ATXN7L1: variants seen among roughly 807,000 people sequenced by gnomAD.
The protein encoded by ATXN7L1 is ataxin 7 like 1.
ATXN7L1 carries 15 observed loss-of-function variants against 70.8 expected under a neutral mutation model. The ratio of observed to expected loss-of-function variants is 0.21; its 90% CI spans 0.14 to 0.33. The LOEUF (loss-of-function observed/expected upper bound fraction) is 0.33. Ranked by LOEUF, ATXN7L1 falls within the 10% of genes least tolerant of loss-of-function variation. ATXN7L1 has a pLI of 1.00. For missense variants in ATXN7L1, 975 were observed against 1,097.1 expected, an observed-to-expected ratio of 0.89 and a Z score of 1.57; for synonymous variants, 440 against 445.1, an observed-to-expected ratio of 0.99 and a Z score of 0.14.
rs989234093 is a variant in ATXN7L1, at chr7:105,690,161, T to C, written c.356-24873A>G. ...CTGGGATTACAGGCATGTGCCACCA[T>C]GCCCAGCTAATTTTTGTATTTTTCG... On this transcript the variant is annotated intron_variant, in intron 3 of 11. Coordinates refer to ENST00000419735, the MANE Select transcript of ATXN7L1 (RefSeq NM_020725.2). 2.1e-4 allele frequency among the ~76,000 whole-genome samples: 32 copies of C among 152,092 alleles called. No homozygotes were observed. In the East Asian group the frequency reaches 6.2e-3, roughly 29 times the overall value.
At chr7:105,776,385 G>A (rs1267389202) in intron 3 of ATXN7L1, among the ~76,000 whole-genome samples, 5 of 152,022 alleles carry the variant, frequency 3.3e-5, no homozygotes, top group African/African-American at 1.2e-4. Context: ...GCTTACATGT[G>A]GAATTTGGCT....
At chr7:105,696,318 AGAGGACATTT>A (rs1417678534) in intron 3 of ATXN7L1, among the ~76,000 whole-genome samples, 2 of 152,242 alleles carry the variant, frequency 1.3e-5, no homozygotes, top group Non-Finnish European at 2.9e-5. Flanking sequence ...TTTGGTAACC[AGAGGACATTT>A]GCATCCATGC....
chr7:105,671,281 C>CA (rs34689804), intron 3 of ATXN7L1, among the ~76,000 whole-genome samples: 62,387 of 129,698 alleles, frequency 0.48, 14,557 homozygotes, highest in Middle Eastern at 0.58. Context: ...GACTCCGTCT[C>CA]AAAAAAAAAA....
chr7:105,802,624 G>A (rs767341289), intron 2 of ATXN7L1, among the ~76,000 whole-genome samples: 10 of 152,202 alleles, frequency 6.6e-5, no homozygotes, highest in Non-Finnish European at 1.5e-4. Context: ...CTGCATGCCT[G>A]AGGAAGTTTT....
intron 3 of ATXN7L1, among the ~76,000 whole-genome samples, chr7:105,719,870 G>C (rs543265970): frequency 4.6e-5 from 7 of 152,360 alleles, no homozygotes; most frequent in African/African-American, 1.4e-4. Flanking sequence ...GAAAGATCCA[G>C]CTGTGAAGGG....
chr7:105,733,513 T>TCCACCCAACCACCCATCCAC (rs1563048396), intron 3 of ATXN7L1, among the ~76,000 whole-genome samples: 1 of 141,938 alleles, frequency 7.0e-6, no homozygotes, highest in African/African-American at 2.7e-5. Flanking sequence ...CTTCCATCCA[T>TCCACCCAACCACCCATCCAC]CCACCCATCC....
intron 2 of ATXN7L1, among the ~76,000 whole-genome samples, chr7:105,836,509 G>A (rs769527698): frequency 3.3e-5 from 5 of 152,210 alleles, no homozygotes; most frequent in Admixed American, 6.5e-5. Flanking sequence ...TGTTTCCAGA[G>A]AAGCGGGGAA....
At chr7:105,658,446 G>A (rs1021134136) in intron 4 of ATXN7L1, among the ~76,000 whole-genome samples, 12 of 151,330 alleles carry the variant, frequency 7.9e-5, no homozygotes, top group Non-Finnish European at 1.6e-4. Context: ...TCTAAATATA[G>A]AAAAGCTATA....
chr7:105,614,242 G>A lies in ATXN7L1; in HGVS notation c.2092C>T (p.Leu698=), dbSNP rs1410521831. 2 of 1,551,652 alleles carry A rather than the reference G, an allele frequency of 1.3e-6. No homozygotes were observed. Among genetic ancestry groups the A allele is most frequent in the African/African-American group, 2.7e-5 (2 of 73,046 alleles). Reference sequence around the variant, plus strand: ...CCATTGTTTGAGTTGTGCACAGACAGGCTGTTATAGGGAGGGGCCGCCTGA... The same window carrying A: ...CCATTGTTTGAGTTGTGCACAGACAAGCTGTTATAGGGAGGGGCCGCCTGA... ...SYQAAPPYNS[L]SVHNSNNGVS... The change falls in exon 10 of 12, where the codon CTG becomes TTG. Residue 698 remains leucine, a synonymous_variant. Transcript: ENST00000419735. This position sits in a 1 kb window ranked among gnomAD's most constrained non-coding sequence, Gnocchi z 4.3.
chr7:105,606,053 T>C lies in ATXN7L1; in HGVS notation c.*1799A>G, dbSNP rs1313766324. ...TAAGTCTTAAAATCTCCTTAACCTT[T>C]TTTTTTTAAAAAAAGAAAAAGTAAC... On this transcript the variant is annotated 3_prime_UTR_variant, in exon 12 of 12. Transcript: ENST00000419735. 1 of 152,042 alleles carries C rather than the reference T, an allele frequency of 6.6e-6. No individual in the cohort carries two copies. 9.4% of individuals were successfully genotyped at this position (152,042 alleles called of 1,614,324 possible).
intron 9 of ATXN7L1, among the ~76,000 whole-genome samples, chr7:105,618,678 C>T (rs1221374920): frequency 6.6e-6 from 1 of 152,126 alleles, no homozygotes; most frequent in Admixed American, 6.5e-5. Flanking sequence ...GCTGGGGGGC[C>T]TCAGCTGTTG....
intron 2 of ATXN7L1, among the ~76,000 whole-genome samples, chr7:105,871,084 GTT>G (rs3999852): frequency 9.6e-5 from 13 of 135,052 alleles, no homozygotes; most frequent in East Asian, 2.1e-4. Context: ...GAGGGCTTGG[GTT>G]TTTTTTTTTT....
At chr7:105,744,735 C>CTT (rs11465151) in intron 3 of ATXN7L1, among the ~76,000 whole-genome samples, 1,649 of 117,094 alleles carry the variant, frequency 0.014, 48 homozygotes, top group African/African-American at 0.031. Context: ...TCTTTCTTTA[C>CTT]TTTTTTTTTT....
At chr7:105,793,161 C>G (rs560976771) in intron 2 of ATXN7L1, among the ~76,000 whole-genome samples, 2 of 152,334 alleles carry the variant, frequency 1.3e-5, no homozygotes, top group East Asian at 3.9e-4. Context: ...TTTGGAAGGG[C>G]TTCCTGGATG....
intron 2 of ATXN7L1, among the ~76,000 whole-genome samples, chr7:105,864,930 C>T (rs1351733138): frequency 6.6e-6 from 1 of 152,164 alleles, no homozygotes; most frequent in African/African-American, 2.4e-5. Context: ...CCACAGTGCC[C>T]AGCCCCAGAT....
At chr7:105,742,875 G>A (rs1035398074) in intron 3 of ATXN7L1, among the ~76,000 whole-genome samples, 1 of 152,076 alleles carries the variant, frequency 6.6e-6, no homozygotes, top group Non-Finnish European at 1.5e-5. Context: ...ACTGGCTGGG[G>A]ATCCTATAGC....
intron 3 of ATXN7L1, among the ~76,000 whole-genome samples, chr7:105,686,145 T>A (rs79628826): frequency 6.6e-6 from 1 of 150,690 alleles, no homozygotes; most frequent in African/African-American, 2.4e-5. Context: ...AAAAAAAAAA[T>A]ACACAGATGC....
chr7:105,858,935 CAT>C (rs1816137584), intron 2 of ATXN7L1, among the ~76,000 whole-genome samples: 1 of 151,736 alleles, frequency 6.6e-6, no homozygotes, highest in South Asian at 2.1e-4. Flanking sequence ...TATTCACACA[CAT>C]GTGGGGGAGG....
At chr7:105,700,922 T>C (rs116815592) in intron 3 of ATXN7L1, among the ~76,000 whole-genome samples, 1 of 152,186 alleles carries the variant, frequency 6.6e-6, no homozygotes, top group East Asian at 1.9e-4. Context: ...GTTCAAGTGA[T>C]CTGCCTGCCT....
Sources: allele counts gnomAD v4.1 joint callset (sites outside exome capture counted in the v4.1 genomes callset), GRCh38; gene constraint gnomAD v4.1.1; non-coding constraint Gnocchi (gnomAD v3.1); transcripts MANE v1.5; gene names NCBI Gene and HGNC (gene_info 2026-07-23, HGNC 2026-07-21).